Variants in TACC1 observed in about 807,000 individuals in gnomAD.
The protein encoded by TACC1 is transforming acidic coiled-coil-containing protein 1.
In TACC1, 48 loss-of-function variants were observed where a neutral mutation model predicts 84.4. The observed-to-expected ratio is 0.57, with a 90% CI of 0.45 to 0.72. The LOEUF (loss-of-function observed/expected upper bound fraction) is 0.72. Among genes scored for constraint, TACC1 ranks in the 30% least tolerant of loss-of-function variants. The pLI, the probability that TACC1 is intolerant of heterozygous loss-of-function variation, is 0.00. For synonymous variants in TACC1, 372 were observed against 376.3 expected, an observed-to-expected ratio of 0.99 and a Z score of 0.13; for missense variants, 920 against 973.0, an observed-to-expected ratio of 0.95 and a Z score of 0.72.
chr8:38,798,968 C>T (rs945264949), intron 2 of TACC1, among the ~76,000 whole-genome samples: 3 of 152,156 alleles, frequency 2.0e-5, no homozygotes, highest in South Asian at 2.1e-4. Context: ...ATCAGAGAGA[C>T]TGGGAACCCA....
At chr8:38,839,279 AATTG>A (rs2152312784) in intron 8 of TACC1, 1 of 394,138 alleles carries the variant, frequency 2.5e-6, no homozygotes, top group Non-Finnish European at 4.5e-6. Context: ...CAAGAAACAA[AATTG>A]ATTGACTTGA....
intron 4 of TACC1, 73 bp downstream of exon 4, chr8:38,825,441 G>A (rs1827834821): frequency 3.2e-6 from 5 of 1,569,552 alleles, no homozygotes; most frequent in Admixed American, 1.7e-5. Context: ...TCCCCCTGGC[G>A]GGTGGTTCAA....
intron 1 of TACC1, chr8:38,788,483 T>G: frequency 2.1e-6 from 1 of 467,176 alleles, no homozygotes; most frequent in South Asian, 3.0e-5. Context: ...CTCCAGGGAA[T>G]GGAGGAGCTT....
At position 38,852,854 on chromosome 8, in the gene TACC1, A is replaced by G. The variant is rs1280077240; in HGVS notation, c.*4831A>G. 14 of 152,666 alleles carry G rather than the reference A, an allele frequency of 9.2e-5. No homozygotes were observed. The highest frequency in any genetic ancestry group is 5.9e-4 in the Admixed American group (9 of 15,278). 9.5% of individuals were successfully genotyped at this position (152,666 alleles called of 1,614,324 possible). On this transcript the variant is annotated 3_prime_UTR_variant, in exon 13 of 13. Coordinates refer to ENST00000317827, the MANE Select transcript of TACC1 (RefSeq NM_006283.3). Reference sequence around the variant, plus strand: ...GATGAGTGCTGCGTTGACTACTGCTATCAGGATTGTGTTGTGTGGAATATT... The same window carrying G: ...GATGAGTGCTGCGTTGACTACTGCTGTCAGGATTGTGTTGTGTGGAATATT...
At chr8:38,782,959 C>T (rs984960286), upstream of TACC1, among the ~76,000 whole-genome samples, 94 of 152,132 alleles carry the variant, frequency 6.2e-4, no homozygotes, top group African/African-American at 2.1e-3. Context: ...GAGTAGAGAA[C>T]TAAAGTGAAC....
At chr8:38,758,594 A>T (rs1383989029) in intron 3 of TACC1, among the ~76,000 whole-genome samples, 2 of 145,354 alleles carry the variant, frequency 1.4e-5, no homozygotes, top group African/African-American at 2.5e-5. Context: ...CAGGAGAATC[A>T]CTTGAACCCA....
At chr8:38,777,233 G>A (rs1207504598) in intron 3 of TACC1, among the ~76,000 whole-genome samples, 1 of 150,298 alleles carries the variant, frequency 6.7e-6, no homozygotes, top group African/African-American at 2.4e-5. Context: ...TTCAGCCTGG[G>A]CAACAGAGTG....
At chr8:38,815,518 C>T (rs545970632) in intron 2 of TACC1, among the ~76,000 whole-genome samples, 1 of 152,098 alleles carries the variant, frequency 6.6e-6, no homozygotes, top group East Asian at 1.9e-4. Flanking sequence ...CTCCCAGGTT[C>T]AAGCGATTCT....
At chr8:38,751,956 T>C (rs1419754797) in intron 3 of TACC1, among the ~76,000 whole-genome samples, 1 of 152,276 alleles carries the variant, frequency 6.6e-6, no homozygotes, top group South Asian at 2.1e-4. Flanking sequence ...CCCACTGTTA[T>C]TTTTTTCCTG....
chr8:38,793,322 A>G (rs1338243954), intron 2 of TACC1, among the ~76,000 whole-genome samples: 2 of 152,206 alleles, frequency 1.3e-5, no homozygotes, highest in East Asian at 3.8e-4. Flanking sequence ...CAGAATCAGC[A>G]AACTGTGACT....
Position 38,834,551 on chromosome 8 carries a change from G to T in TACC1, c.1714-1611G>T, listed in dbSNP as rs1459390402. Among the ~76,000 whole-genome samples, 6 of 152,142 alleles carry T rather than the reference G, an allele frequency of 3.9e-5. No homozygotes were observed. In the East Asian group the frequency reaches 1.2e-3, roughly 29 times the overall value. On this transcript the variant is annotated intron_variant, in intron 6 of 12. Transcript: ENST00000317827. Reference sequence around the variant, plus strand: ...ATTTTTCCCAAGAGAGAAAAGAGAGGTTTTGTGGGTACCTTGGACTTCTGT... The same window carrying T: ...ATTTTTCCCAAGAGAGAAAAGAGAGTTTTTGTGGGTACCTTGGACTTCTGT...
chr8:38,748,963 G>C (rs968074971), intron 3 of TACC1, among the ~76,000 whole-genome samples: 3 of 151,268 alleles, frequency 2.0e-5, no homozygotes, highest in Non-Finnish European at 2.9e-5. Flanking sequence ...CAATGAATTA[G>C]AGAACGAAAA....
chr8:38,755,874 G>A (rs1809937382), intron 3 of TACC1, among the ~76,000 whole-genome samples: 1 of 151,820 alleles, frequency 6.6e-6, no homozygotes, highest in Non-Finnish European at 1.5e-5. Context: ...GAGTGCAGTG[G>A]CGCGATCTCG....
chr8:38,832,809 C>T (rs1829525803), intron 6 of TACC1, among the ~76,000 whole-genome samples: 1 of 152,166 alleles, frequency 6.6e-6, no homozygotes, highest in Admixed American at 6.5e-5. Flanking sequence ...ATACTGCTCT[C>T]TTGTGATTGA....
chr8:38,850,987 T>TCC lies in TACC1; in HGVS notation c.*2969_*2970dup, dbSNP rs145326698. On this transcript the variant is annotated 3_prime_UTR_variant, in exon 13 of 13. Transcript: ENST00000317827. ...TGCAACGTGAGGCCAACTGAACAATTCCCCCCGTGGCTGCCCAGATAGTCA... is the reference window on the plus strand; with the variant it reads ...TGCAACGTGAGGCCAACTGAACAATTCCCCCCCCGTGGCTGCCCAGATAGTCA... The TCC allele has an allele frequency of 6.6e-6, 1 of 152,476 alleles. No homozygotes were observed. The highest frequency in any genetic ancestry group is 2.4e-5 in the African/African-American group (1 of 41,358). 9.4% of individuals were successfully genotyped at this position (152,476 alleles called of 1,614,324 possible).
At chr8:38,757,300 G>T in intron 3 of TACC1, 1 of 1,258,900 alleles carries the variant, frequency 7.9e-7, no homozygotes. Flanking sequence ...GCCCAGCACA[G>T]GAGGGTGCAG....
upstream of TACC1, chr8:38,785,849 T>G (rs1817035841): frequency 2.4e-6 from 1 of 422,946 alleles, no homozygotes. Context: ...GACAATTTAT[T>G]TCTGGGAAGA....
chr8:38,769,384 T>A (rs373710440), intron 3 of TACC1, among the ~76,000 whole-genome samples: 17 of 144,858 alleles, frequency 1.2e-4, no homozygotes, highest in African/African-American at 4.4e-4. Context: ...GTGTGGTGTG[T>A]GATTATATGT....
At chr8:38,797,725 C>T (rs1020216105) in intron 2 of TACC1, among the ~76,000 whole-genome samples, 22 of 152,190 alleles carry the variant, frequency 1.4e-4, no homozygotes, top group African/African-American at 4.8e-4. Context: ...TGAAGAGATG[C>T]ACATTATGGT....
Sources: allele counts gnomAD v4.1 joint callset (sites outside exome capture counted in the v4.1 genomes callset), GRCh38; gene constraint gnomAD v4.1.1; transcripts MANE v1.5; gene names NCBI Gene and HGNC (gene_info 2026-07-23, HGNC 2026-07-21).